Variants in STARD13 observed in about 807,000 individuals in gnomAD.
The protein encoded by STARD13 is stAR-related lipid transfer protein 13.
A neutral mutation model predicts 106.4 loss-of-function variants in STARD13; 62 were observed. That is an observed-to-expected ratio of 0.58 (90% CI 0.48 to 0.72). The LOEUF (loss-of-function observed/expected upper bound fraction) is 0.72. Among genes scored for constraint, STARD13 ranks in the 30% least tolerant of loss-of-function variants. STARD13 has a pLI of 0.00. For synonymous variants in STARD13, 565 were observed against 553.0 expected, an observed-to-expected ratio of 1.02 and a Z score of -0.31; for missense variants, 1,387 against 1,424.0, an observed-to-expected ratio of 0.97 and a Z score of 0.42.
the STARD13 span, among the ~76,000 whole-genome samples, chr13:33,591,551 T>C: frequency 6.6e-6 from 1 of 152,186 alleles, no homozygotes; most frequent in Non-Finnish European, 1.5e-5. Context: ...GAGAGGCATT[T>C]TATTTCTAAG....
At chr13:33,326,760 G>C (rs1286866850) in intron 1 of STARD13, among the ~76,000 whole-genome samples, 1 of 152,176 alleles carries the variant, frequency 6.6e-6, no homozygotes. Context: ...CTTTCACATA[G>C]GTTATCTTAT....
intron 13 of STARD13, among the ~76,000 whole-genome samples, chr13:33,106,445 C>T (rs1362804239): frequency 2.0e-5 from 3 of 152,118 alleles, no homozygotes; most frequent in African/African-American, 7.2e-5. Context: ...GAGAGGGAAA[C>T]TCTGATTTAC....
chr13:33,592,346 T>C, the STARD13 span, among the ~76,000 whole-genome samples: 1 of 152,218 alleles, frequency 6.6e-6, no homozygotes, highest in Admixed American at 6.5e-5. Context: ...TGTTTATTTG[T>C]TTTAGCCATA....
the STARD13 span, among the ~76,000 whole-genome samples, chr13:33,596,395 TACAC>T: frequency 6.6e-6 from 1 of 152,182 alleles, no homozygotes; most frequent in Non-Finnish European, 1.5e-5. Flanking sequence ...ATGTCATCAA[TACAC>T]ACACATGCAT....
exon 1 of STARD13, chr13:33,350,472 C>G: frequency 6.7e-7 from 1 of 1,492,822 alleles, no homozygotes; most frequent in Non-Finnish European, 8.9e-7. Flanking sequence ...GCGTGGCCCG[C>G]GACTCAGACT....
chr13:33,141,399 C>T (rs1233692572), intron 4 of STARD13, among the ~76,000 whole-genome samples: 40 of 152,204 alleles, frequency 2.6e-4, no homozygotes, highest in Admixed American at 2.4e-3. Context: ...GTGGTAAGTA[C>T]ATAATCTAGT....
chr13:33,192,163 A>G (rs1226806985), intron 1 of STARD13, among the ~76,000 whole-genome samples: 3 of 152,234 alleles, frequency 2.0e-5, no homozygotes, highest in Non-Finnish European at 2.9e-5. Flanking sequence ...GAAAAAACAA[A>G]AGAACATTTC....
intron 4 of STARD13, among the ~76,000 whole-genome samples, chr13:33,132,831 A>C (rs1234521491): frequency 6.6e-6 from 1 of 152,166 alleles, no homozygotes; most frequent in Non-Finnish European, 1.5e-5. Context: ...AAAGGGCAAG[A>C]CTCCAGAATG....
At chr13:33,624,414 G>A in the STARD13 span, among the ~76,000 whole-genome samples, 1 of 152,222 alleles carries the variant, frequency 6.6e-6, no homozygotes, top group South Asian at 2.1e-4. Context: ...GTGCTTTTCA[G>A]TGCTTGAATC....
chr13:33,511,368 A>T, the STARD13 span: 1 of 152,126 alleles, frequency 6.6e-6, no homozygotes, highest in Admixed American at 6.6e-5. Context: ...TTTATTTAAC[A>T]AATGTAACAT....
rs1295101889 is a variant in STARD13 at position 33,229,801 on chromosome 13, A to G, written c.169+55669T>C. 2.0e-5 allele frequency among the ~76,000 whole-genome samples: 3 copies of G among 152,358 alleles called. No homozygotes were observed. In the East Asian group the frequency reaches 5.8e-4, roughly 29 times the overall value. ...TACGCATCACCCTGGCCCTGAGGAC[A>G]AGCCCCTGTGCCAGAAGCCTCAGTG... On this transcript the variant is annotated intron_variant, in intron 1 of 13. Transcript: ENST00000336934.
chr13:33,647,530 G>T, the STARD13 span, among the ~76,000 whole-genome samples: 2 of 152,102 alleles, frequency 1.3e-5, no homozygotes, highest in African/African-American at 4.8e-5. Context: ...ATGTAGTTTG[G>T]CTCCATAAAT....
the STARD13 span, among the ~76,000 whole-genome samples, chr13:33,553,213 T>A: frequency 6.6e-6 from 1 of 152,114 alleles, no homozygotes; most frequent in Non-Finnish European, 1.5e-5. Flanking sequence ...GAGGCAAATA[T>A]GAATTCCAGT....
the STARD13 span, among the ~76,000 whole-genome samples, chr13:33,542,512 A>G: frequency 6.6e-6 from 1 of 152,228 alleles, no homozygotes; most frequent in Non-Finnish European, 1.5e-5. Context: ...ACGCACACGC[A>G]GACCGCGCCT....
chr13:33,652,805 A>G, the STARD13 span, among the ~76,000 whole-genome samples: 2 of 152,098 alleles, frequency 1.3e-5, no homozygotes, highest in African/African-American at 2.4e-5. Flanking sequence ...AGTAGATTCA[A>G]TGAGACAATG....
chr13:33,345,975 A>C (rs917359556), downstream of STARD13, among the ~76,000 whole-genome samples: 2 of 152,238 alleles, frequency 1.3e-5, no homozygotes, highest in Admixed American at 6.5e-5. Context: ...TTTGGCCCTC[A>C]GTCATCCCCA....
the STARD13 span, among the ~76,000 whole-genome samples, chr13:33,558,406 A>T: frequency 1.3e-5 from 2 of 152,216 alleles, no homozygotes; most frequent in East Asian, 3.8e-4. Flanking sequence ...TTTAAAAATA[A>T]TATATTTACT....
chr13:33,271,809 GA>G (rs565256155), intron 1 of STARD13, among the ~76,000 whole-genome samples: 14 of 148,494 alleles, frequency 9.4e-5, no homozygotes, highest in East Asian at 4.0e-4. Context: ...ATAATGATGG[GA>G]AAAAAAAAGC....
the STARD13 span, among the ~76,000 whole-genome samples, chr13:33,374,736 C>T: frequency 3.9e-5 from 6 of 152,142 alleles, no homozygotes; most frequent in Non-Finnish European, 7.4e-5. Context: ...GTGACCCATA[C>T]AAACAAAGCA....
Sources: allele counts gnomAD v4.1 joint callset (sites outside exome capture counted in the v4.1 genomes callset), GRCh38; gene constraint gnomAD v4.1.1; transcripts MANE v1.5; gene names NCBI Gene and HGNC (gene_info 2026-07-23, HGNC 2026-07-21).